The following HTR2C variants were observed in gnomAD, a reference collection of about 807,000 sequenced individuals.
HTR2C encodes the protein 5-hydroxytryptamine receptor 2C.
In HTR2C, 5 loss-of-function variants were observed where a neutral mutation model predicts 21.0. The ratio of observed to expected loss-of-function variants is 0.24; its 90% CI spans 0.12 to 0.50. The LOEUF (loss-of-function observed/expected upper bound fraction) is 0.50. Ranked by LOEUF, HTR2C falls within the 20% of genes least tolerant of loss-of-function variation. HTR2C has a pLI of 0.98. For synonymous variants in HTR2C, 150 were observed against 145.3 expected (o/e 1.03, Z -0.23); for missense variants, 271 against 371.2 (o/e 0.73, Z 2.22).
At chrX:114,638,760 G>A (rs1556405868) in intron 2 of HTR2C, among the ~76,000 whole-genome samples, 1 of 95,845 alleles carries the variant, frequency 1.0e-5, no homozygotes. Context: ...CCACCTATGA[G>A]TGAGAACATG....
rs782208213 is a variant in HTR2C at position 114,707,505 on chromosome X, T to C, written c.-79-19353T>C. 1.6e-4 allele frequency among the ~76,000 whole-genome samples: 18 copies of C among 111,979 alleles called. No homozygotes were observed. In the South Asian group the frequency reaches 6.3e-3, roughly 39 times the overall value. The stretch of plus-strand genomic sequence containing the variant: ...TAAATGAGACTATAAAACCTAAAGA[T>C]GTAAACATCACTTTAAAAGCCTTCC... On this transcript the variant is annotated intron_variant, in intron 2 of 5. Transcript: ENST00000276198.
intron 5 of HTR2C, among the ~76,000 whole-genome samples, chrX:114,866,600 T>C (rs902219357): frequency 1.9e-4 from 7 of 36,933 alleles, no homozygotes; most frequent in Non-Finnish European, 4.4e-4. Flanking sequence ...ATTCATTCTT[T>C]CTATTTTTTT....
At chrX:114,636,036 A>G (rs1387464780) in intron 2 of HTR2C, among the ~76,000 whole-genome samples, 5 of 108,903 alleles carry the variant, frequency 4.6e-5, no homozygotes, top group Non-Finnish European at 9.5e-5. Flanking sequence ...GCTGCAGCCA[A>G]CTCAGCTGGG....
At chrX:114,760,825 C>A (rs1398620017) in intron 4 of HTR2C, among the ~76,000 whole-genome samples, 2 of 111,645 alleles carry the variant, frequency 1.8e-5, no homozygotes, top group Non-Finnish European at 3.8e-5. Context: ...ATCTGGCCCA[C>A]ATCCTCTTTC....
intron 4 of HTR2C, among the ~76,000 whole-genome samples, chrX:114,814,308 A>G (rs782128891): frequency 9.0e-6 from 1 of 111,021 alleles, no homozygotes; most frequent in Non-Finnish European, 1.9e-5. Flanking sequence ...TTGTGTAAGA[A>G]TACTTACAAG....
At chrX:114,798,995 C>T (rs1416469625) in intron 4 of HTR2C, among the ~76,000 whole-genome samples, 5 of 109,479 alleles carry the variant, frequency 4.6e-5, no homozygotes, top group South Asian at 3.9e-4. Flanking sequence ...GCCCCAGGTA[C>T]GAGTGACACA....
At chrX:114,712,820 G>A (rs1169247352) in intron 2 of HTR2C, among the ~76,000 whole-genome samples, 3 of 112,007 alleles carry the variant, frequency 2.7e-5, no homozygotes, top group Non-Finnish European at 3.8e-5. Flanking sequence ...CCACTGGAGA[G>A]AAAGTCATCA....
intron 5 of HTR2C, among the ~76,000 whole-genome samples, chrX:114,862,075 T>G (rs1290420353): frequency 9.0e-6 from 1 of 111,217 alleles, no homozygotes; most frequent in Non-Finnish European, 1.9e-5. Context: ...GTACAAGAGC[T>G]TTTCCTTTAT....
chrX:114,837,370 A>G (rs1556464430), intron 4 of HTR2C, among the ~76,000 whole-genome samples: 1 of 111,959 alleles, frequency 8.9e-6, no homozygotes, highest in African/African-American at 3.2e-5. Flanking sequence ...ATGTAGATTT[A>G]TATTTTTCCA....
intron 2 of HTR2C, among the ~76,000 whole-genome samples, chrX:114,669,211 A>G (rs1456409074): frequency 9.0e-6 from 1 of 111,482 alleles, no homozygotes; most frequent in Admixed American, 9.6e-5. Context: ...TGAAAAAAGG[A>G]TAGCAATCAT....
chrX:114,783,358 A>G (rs1284708489), intron 4 of HTR2C, among the ~76,000 whole-genome samples: 1 of 112,030 alleles, frequency 8.9e-6, no homozygotes, highest in Admixed American at 9.5e-5. Context: ...TAGCTAAGAG[A>G]GTAAAAGAAC....
chrX:114,811,894 C>T (rs2070535140), intron 4 of HTR2C, among the ~76,000 whole-genome samples: 1 of 111,487 alleles, frequency 9.0e-6, no homozygotes, highest in African/African-American at 3.3e-5. Flanking sequence ...CCTAGTGTCA[C>T]GTTTTTCCTA....
intron 2 of HTR2C, among the ~76,000 whole-genome samples, chrX:114,641,013 CTCCTTTCTTTCTTTCT>C (rs1180979494): frequency 1.8e-5 from 1 of 55,659 alleles, no homozygotes; most frequent in South Asian, 1.8e-3. Flanking sequence ...CTCTTTCCTT[CTCCTTTCTTTCTTTCT>C]TCCTTTCTTT....
chrX:114,835,988 G>A (rs1299489632), intron 4 of HTR2C, among the ~76,000 whole-genome samples: 4 of 108,178 alleles, frequency 3.7e-5, no homozygotes, highest in Admixed American at 3.0e-4. Context: ...GTGTGCCCCT[G>A]CTGGGGGGTG....
rs1471418739 is a variant in HTR2C, at chrX:114,687,177, C to G, written c.-79-39681C>G. On this transcript the variant is annotated intron_variant, in intron 2 of 5. Transcript: ENST00000276198. Reference sequence around the variant, plus strand: ...AAAACTTGCTTTGGAAAATGCTATGCAGAACAGTTACTTAGCATGTGTAGC... The same window carrying G: ...AAAACTTGCTTTGGAAAATGCTATGGAGAACAGTTACTTAGCATGTGTAGC... Among the ~76,000 whole-genome samples the G allele has an allele frequency of 2.7e-5, 3 of 112,124 alleles. No homozygotes were observed. The East Asian group carries it at 8.4e-4, about 31-fold the overall frequency.
intron 4 of HTR2C, among the ~76,000 whole-genome samples, chrX:114,789,349 C>T (rs781821368): frequency 7.2e-5 from 8 of 111,589 alleles, no homozygotes; most frequent in South Asian, 3.7e-4. Flanking sequence ...TTACAAGGAA[C>T]GGAATATCCT....
At chrX:114,687,021 T>C (rs1263532571) in intron 2 of HTR2C, among the ~76,000 whole-genome samples, 1 of 111,913 alleles carries the variant, frequency 8.9e-6, no homozygotes, top group Non-Finnish European at 1.9e-5. Context: ...GGGAACATCA[T>C]TTTGAAAATT....
chrX:114,805,900 CAT>C (rs2070416357), intron 4 of HTR2C, among the ~76,000 whole-genome samples: 1 of 91,765 alleles, frequency 1.1e-5, no homozygotes, highest in African/African-American at 4.1e-5. Context: ...CATATATATA[CAT>C]CATATATATA....
At chrX:114,640,833 A>G (rs1267102599) in intron 2 of HTR2C, among the ~76,000 whole-genome samples, 2 of 110,247 alleles carry the variant, frequency 1.8e-5, no homozygotes, top group African/African-American at 6.6e-5. Context: ...TACAACATCT[A>G]TTTTATTGCG....
Sources: gnomAD v4.1 joint callset for allele counts (sites outside exome capture counted in the v4.1 genomes callset) on GRCh38, gnomAD v4.1.1 for gene constraint, MANE v1.5 for transcripts, NCBI Gene and HGNC (gene_info 2026-07-23, HGNC 2026-07-21) for gene names.